MEF2B: variants seen among roughly 807,000 people sequenced by gnomAD.
The protein encoded by MEF2B is myocyte enhancer factor 2B, also known as myocyte-specific enhancer factor 2B.
In MEF2B, 15 loss-of-function variants were observed where a neutral mutation model predicts 32.2. The observed-to-expected ratio is 0.47, with a 90% CI of 0.31 to 0.72. MEF2B has a LOEUF of 0.72. Among genes scored for constraint, MEF2B ranks in the 30% least tolerant of loss-of-function variants. The pLI, the probability that MEF2B is intolerant of heterozygous loss-of-function variation, is 0.05. For missense variants in MEF2B, 441 were observed against 511.5 expected, an observed-to-expected ratio of 0.86 and a Z score of 1.33; for synonymous variants, 205 against 225.6, an observed-to-expected ratio of 0.91 and a Z score of 0.82.
chr19:19,147,737 G>T lies in MEF2B; in HGVS notation c.354C>A (p.Gly118=). 6.2e-7 allele frequency: 1 copy of T among 1,612,376 alleles called. No individual in the cohort carries two copies. Among genetic ancestry groups the T allele is most frequent in the African/African-American group, 1.3e-5 (1 of 75,036 alleles). The change falls in exon 4 of 9, where the codon GGC becomes GGA. Residue 118 remains glycine (G), a synonymous_variant. Coordinates refer to ENST00000424583, the MANE Select transcript of MEF2B (RefSeq NM_001145785.2). ...EPGEKFRRLA[G]EGGDPALPRP... ...GGGGCAAGGCCGGATCACCCCCTTCGCCTGCCAGCCTCCGAAACTTCTCTC... is the reference window on the plus strand; with the variant it reads ...GGGGCAAGGCCGGATCACCCCCTTCTCCTGCCAGCCTCCGAAACTTCTCTC...
Position 19,147,050 on chromosome 19 carries a change from T to G in MEF2B, c.527A>C (p.Lys176Thr). Reference protein sequence around the residue: ...RPSPFRPAAPKAGPPGLVHPL... With the variant: ...RPSPFRPAAPTAGPPGLVHPL... ...CCCATGCTCACCTGGGGGCCCGGCT[T>G]TGGGGGCTGCTGGTCGGAAGGGAGA... The change falls in exon 5 of 9, where the codon AAA becomes ACA. Residue 176 changes from lysine to threonine, a missense_variant. Physicochemically the swap from Lys to Thr is moderately conservative, Grantham distance 78. Around this residue, in one of 2 missense-constraint regions of MEF2B, gnomAD observed 326 missense variants for 328.4 expected, o/e 0.99. Coordinates refer to ENST00000424583, the MANE Select transcript of MEF2B (RefSeq NM_001145785.2). 1 of 1,604,508 alleles carries G rather than the reference T, an allele frequency of 6.2e-7. No individual in the cohort carries two copies. The highest frequency in any genetic ancestry group is 8.5e-7 in the Non-Finnish European group (1 of 1,176,258).
At chr19:19,154,446 G>C (rs1224128707) in intron 1 of MEF2B, among the ~76,000 whole-genome samples, 3 of 152,142 alleles carry the variant, frequency 2.0e-5, no homozygotes, top group African/African-American at 7.2e-5. Context: ...ACAGGCATGA[G>C]CCACCGCGCC....
chr19:19,149,284 A>G lies in MEF2B; in HGVS notation c.200T>C (p.Leu67Pro). Reference sequence around the variant, plus strand: ...GGGCTCGCTGTACTCTGTGTACTTCAGCAGCACACGGTCCATGTCCGTGCT... The same window carrying G: ...GGGCTCGCTGTACTCTGTGTACTTCGGCAGCACACGGTCCATGTCCGTGCT... The part of the protein sequence containing the change: ...YASTDMDRVL[L>P]KYTEYSEPHE... The change falls in exon 3 of 9, where the codon CTG (leucine) becomes CCG (proline). Residue 67 changes from leucine to proline, a missense_variant. Leu to Pro is a moderately conservative substitution (Grantham distance 98). This residue lies in a region of MEF2B where 115 missense variants were observed against 183.1 expected (regional missense o/e 0.63). Transcript: ENST00000424583. 1 of 1,613,842 alleles carries G rather than the reference A, an allele frequency of 6.2e-7. No homozygotes were observed. The highest frequency in any genetic ancestry group is 8.5e-7 in the Non-Finnish European group (1 of 1,179,980).
chr19:19,145,987 G>A lies in MEF2B; in HGVS notation c.917C>T (p.Thr306Ile), dbSNP rs2146348787. The change falls in exon 9 of 9, where the codon ACC becomes ATC. Residue 306 changes from threonine (T) to isoleucine (I), a missense_variant. Around this residue, in one of 2 missense-constraint regions of MEF2B, gnomAD observed 326 missense variants for 328.4 expected, o/e 0.99. Coordinates refer to ENST00000424583, the MANE Select transcript of MEF2B (RefSeq NM_001145785.2). This position sits in a 1 kb window ranked among gnomAD's most constrained non-coding sequence, Gnocchi z 4.6. ...GRSLGEEGPPTRGASPPTPPV... is the reference protein window; with the variant it reads ...GRSLGEEGPPIRGASPPTPPV... ...GGGGGTCGGCGGGGAGGCGCCGCGGGTTGGGGGACCCTCCTCGCCCAGGCT... is the reference window on the plus strand; with the variant it reads ...GGGGGTCGGCGGGGAGGCGCCGCGGATTGGGGGACCCTCCTCGCCCAGGCT... The A allele has an allele frequency of 1.4e-6, 2 of 1,437,736 alleles. No homozygotes were observed. Among genetic ancestry groups the A allele is most frequent in the Non-Finnish European group, 1.8e-6 (2 of 1,097,808 alleles). 89.1% of individuals were successfully genotyped at this position (1,437,736 alleles called of 1,614,324 possible). A position where few individuals can be genotyped will look rare whatever the true frequency, so the allele number is the denominator to read the frequency against.
Position 19,145,839 on chromosome 19 carries a change from G to T in MEF2B, c.1065C>A (p.Pro355=). ...RSLAEPLRPG[P]ALRRLPLADG... ...CGGCCAAGGGCAGCCGGCGCAGGGC[G>T]GGCCCAGGCCGCAGAGGCTCTGCCA... Residue 355 remains proline (P), a synonymous_variant, in exon 9 of 9, where the codon CCC becomes CCA. Transcript: ENST00000424583. This position sits in a 1 kb window ranked among gnomAD's most constrained non-coding sequence, Gnocchi z 4.6. The T allele has an allele frequency of 6.6e-7, 1 of 1,515,004 alleles. No homozygotes were observed. The highest frequency in any genetic ancestry group is 2.5e-5 in the East Asian group (1 of 40,438). The allele number at this position is 1,515,004 out of a possible 1,614,324, so 93.8% of individuals were successfully genotyped here.
At chr19:19,162,129 T>TA (rs1452381776) in intron 1 of MEF2B, among the ~76,000 whole-genome samples, 1 of 151,668 alleles carries the variant, frequency 6.6e-6, no homozygotes, top group East Asian at 1.9e-4. Context: ...TTATTATTAT[T>TA]TTTTTTTGAG....
At position 19,148,599 on chromosome 19, in the gene MEF2B, G is replaced by A. The variant is rs182186007; in HGVS notation, c.258+627C>T. On this transcript the variant is annotated intron_variant, in intron 3 of 8. Transcript: ENST00000424583. The stretch of plus-strand genomic sequence containing the variant: ...CTGCCCCACACTTCCAAAACACTGC[G>A]GACTCCCAGGCCTAGTCCCAGCCCG... 9.2e-5 allele frequency among the ~76,000 whole-genome samples: 14 copies of A among 152,174 alleles called. No homozygotes were observed. In the East Asian group the frequency reaches 2.3e-3, roughly 25 times the overall value.
Position 19,146,666 on chromosome 19 carries a change from G to C in MEF2B, c.676-18C>G. The C allele has an allele frequency of 6.2e-7, 1 of 1,613,444 alleles. No homozygotes were observed. The highest frequency in any genetic ancestry group is 8.5e-7 in the Non-Finnish European group (1 of 1,179,736). On this transcript the variant is annotated intron_variant, in intron 6 of 8. Transcript: ENST00000424583. The stretch of plus-strand genomic sequence containing the variant: ...AGGCTTCTCTGTGCGGAGAGAGGGT[G>C]AAGGGGAAACTGAGGCCCACACCCA...
rs188256123 is a variant in MEF2B, at chr19:19,157,630, T to C, written c.-29-6866A>G. Among the ~76,000 whole-genome samples the C allele has an allele frequency of 1.1e-4, 16 of 152,294 alleles. 1 individual carries two copies. The highest frequency in any genetic ancestry group is 6.5e-4 in the Admixed American group (10 of 15,302). On this transcript the variant is annotated intron_variant, in intron 1 of 8. Coordinates refer to ENST00000424583, the MANE Select transcript of MEF2B (RefSeq NM_001145785.2). ...TGGGAGGCCAAGGCGGGCAGATCACTGGAGGTCAGGAGTTTGAGACAAGCC... is the reference window on the plus strand; with the variant it reads ...TGGGAGGCCAAGGCGGGCAGATCACCGGAGGTCAGGAGTTTGAGACAAGCC...
At chr19:19,161,685 C>A (rs961470520) in intron 1 of MEF2B, among the ~76,000 whole-genome samples, 1 of 149,282 alleles carries the variant, frequency 6.7e-6, no homozygotes, top group African/African-American at 2.5e-5. Flanking sequence ...AGACCCCCGC[C>A]AGACGCATGC....
chr19:19,150,948 C>T (rs1454600804), intron 1 of MEF2B, among the ~76,000 whole-genome samples, 184 bp from the exon 2 acceptor site: 1 of 152,154 alleles, frequency 6.6e-6, no homozygotes, highest in African/African-American at 2.4e-5. Flanking sequence ...GCAGTAGAGG[C>T]TCAATGAACA....
chr19:19,161,008 G>A (rs1486457458), intron 1 of MEF2B, among the ~76,000 whole-genome samples: 1 of 152,156 alleles, frequency 6.6e-6, no homozygotes, highest in Non-Finnish European at 1.5e-5. Flanking sequence ...CAGGGACTCA[G>A]GGGAGACGGT....
chr19:19,158,038 A>G (rs929060055), intron 1 of MEF2B, among the ~76,000 whole-genome samples: 2 of 151,206 alleles, frequency 1.3e-5, no homozygotes, highest in Admixed American at 1.3e-4. Flanking sequence ...GTTGAGCTCA[A>G]CTCTAGTGGT....
chr19:19,157,731 C>T (rs142140174), intron 1 of MEF2B, among the ~76,000 whole-genome samples: 1 of 152,308 alleles, frequency 6.6e-6, no homozygotes, highest in African/African-American at 2.4e-5. Context: ...GCCTGTAATC[C>T]TAGCTACTCG....
chr19:19,146,352 CA>C lies in MEF2B; in HGVS notation c.801del (p.Gly268AlafsTer136). The C allele has an allele frequency of 1.8e-6, 2 of 1,125,774 alleles. No individual in the cohort carries two copies. The highest frequency in any genetic ancestry group is 2.4e-6 in the Non-Finnish European group (2 of 843,040). The allele number at this position is 1,125,774 out of a possible 1,614,324, so 69.7% of individuals were successfully genotyped here. A position where few individuals can be genotyped will look rare whatever the true frequency, so the allele number is the denominator to read the frequency against. On this transcript the variant is annotated frameshift_variant, in exon 8 of 9. Transcript: ENST00000424583. LOFTEE classifies it high-confidence loss of function. Reference sequence around the variant, plus strand: ...GCCAGGGTGGGGGGCTGCAACAAGCCAGGGGGCGGTGGAGGGTCTCCCAGGC... The same window carrying C: ...GCCAGGGTGGGGGGCTGCAACAAGCCGGGGGCGGTGGAGGGTCTCCCAGGC... ...EYGLGDPPPP[P>X]GLLQPPTLAP...
In MEF2B at chr19:19,146,270, T is replaced by TA. The variant is rs1222828265; in HGVS notation, c.881+2dup. 7.6e-7 allele frequency: 1 copy of TA among 1,307,410 alleles called. No individual in the cohort carries two copies. Among genetic ancestry groups the TA allele is most frequent in the Non-Finnish European group, 9.9e-7 (1 of 1,012,868 alleles). 81.0% of individuals were successfully genotyped at this position (1,307,410 alleles called of 1,614,324 possible). A position where few individuals can be genotyped will look rare whatever the true frequency, so the allele number is the denominator to read the frequency against. ...GGACTTGCCGTCGTCTCAGGGCACT[T>TA]ACCTGGGCTGGGAGGACACGGCGGG... On this transcript the variant is annotated splice_region_variant and intron_variant, in intron 8 of 8. Transcript: ENST00000424583.
In MEF2B at chr19:19,149,375, C is replaced by T. The variant is rs772576312; in HGVS notation, c.109G>A (p.Val37Met). The T allele has an allele frequency of 2.5e-6, 4 of 1,614,020 alleles. No homozygotes were observed. The highest frequency in any genetic ancestry group is 3.3e-5 in the Admixed American group (2 of 59,994). ...AGGGCTATCTCACAGTCACAGAGCA[C>T]GCTCAGCTCATAGGCCTTCTTCATC... ...GLMKKAYELS[V>M]LCDCEIALII... Residue 37 changes from valine (V) to methionine (M), a missense_variant, in exon 3 of 9, where the codon GTG becomes ATG. Physicochemically the swap from Val to Met is conservative, Grantham distance 21. Coordinates refer to ENST00000424583, the MANE Select transcript of MEF2B (RefSeq NM_001145785.2).
chr19:19,146,949 G>A lies in MEF2B; in HGVS notation c.542-74C>T, dbSNP rs975022270. 4.5e-6 allele frequency: 7 copies of A among 1,570,560 alleles called. No individual in the cohort carries two copies. In the African/African-American group the frequency reaches 9.5e-5, roughly 21 times the overall value. On this transcript the variant is annotated intron_variant, in intron 5 of 8. Transcript: ENST00000424583. Reference sequence around the variant, plus strand: ...CTAATGAAGTCTGAGGTTTAGAGGTGATGCACGCAGCCTGGCAATGCCAGA... The same window carrying A: ...CTAATGAAGTCTGAGGTTTAGAGGTAATGCACGCAGCCTGGCAATGCCAGA...
chr19:19,146,267 A>T lies in MEF2B; in HGVS notation c.881+6T>A. ...CTGGGACTTGCCGTCGTCTCAGGGC[A>T]CTTACCTGGGCTGGGAGGACACGGC... On this transcript the variant is annotated splice_donor_region_variant and intron_variant, in intron 8 of 8. Transcript: ENST00000424583. 7.7e-7 allele frequency: 1 copy of T among 1,298,622 alleles called. No individual in the cohort carries two copies. 80.4% of individuals were successfully genotyped at this position (1,298,622 alleles called of 1,614,324 possible).
Sources: allele counts gnomAD v4.1 joint callset (sites outside exome capture counted in the v4.1 genomes callset), GRCh38; gene constraint gnomAD v4.1.1; regional missense constraint gnomAD v4.1.1; non-coding constraint Gnocchi (gnomAD v3.1); transcripts MANE v1.5; gene names NCBI Gene and HGNC (gene_info 2026-07-23, HGNC 2026-07-21).